Variants in CCDC158 observed in about 807,000 individuals in gnomAD.
The protein encoded by CCDC158 is coiled-coil domain containing 158, also known as coiled-coil domain-containing protein 158.
A neutral mutation model predicts 138.6 loss-of-function variants in CCDC158; 116 were observed. The observed-to-expected ratio is 0.84, with a 90% confidence interval of 0.72 to 0.98. The LOEUF (loss-of-function observed/expected upper bound fraction) is 0.98, where lower values mean the gene tolerates loss of function less well. CCDC158 is among the 50% of genes least tolerant of loss of function. The probability of loss-of-function intolerance (pLI) is 0.00; values close to 1 mark genes in which losing one functional copy is unlikely to be tolerated. For missense variants in CCDC158, 1,265 were observed against 1,306.1 expected, an observed-to-expected ratio of 0.97 and a Z score of 0.48; for synonymous variants, 436 against 442.4, an observed-to-expected ratio of 0.99 and a Z score of 0.18.
chr4:76,354,431 A>G (rs1312370032), intron 15 of CCDC158, among the ~76,000 whole-genome samples: 1 of 152,122 alleles, frequency 6.6e-6, no homozygotes, highest in Non-Finnish European at 1.5e-5. Flanking sequence ...TAAGTTAGCA[A>G]TTACTTTGGT....
At chr4:76,342,930 G>A (rs963626529) in intron 18 of CCDC158, among the ~76,000 whole-genome samples, 5 of 152,118 alleles carry the variant, frequency 3.3e-5, no homozygotes, top group Admixed American at 1.3e-4. Context: ...TTGGAGGATT[G>A]GCTAAGTCTA....
intron 24 of CCDC158, 105 bp from the exon 25 acceptor site, chr4:76,313,351 C>T (rs1435781503): frequency 6.8e-6 from 4 of 589,632 alleles, no homozygotes; most frequent in Non-Finnish European, 8.4e-6. Flanking sequence ...TAGACATGTT[C>T]TGAGCTCAAG....
intron 1 of CCDC158, among the ~76,000 whole-genome samples, chr4:76,414,942 G>A (rs1320978885): frequency 6.6e-6 from 1 of 152,174 alleles, no homozygotes; most frequent in Non-Finnish European, 1.5e-5. Flanking sequence ...AAATGTGGAC[G>A]CGACTTTGCA....
At chr4:76,326,769 T>C (rs1344344223) in intron 22 of CCDC158, among the ~76,000 whole-genome samples, 2 of 152,120 alleles carry the variant, frequency 1.3e-5, no homozygotes, top group African/African-American at 4.8e-5. Context: ...AATGCCAATC[T>C]AGAATTCTAT....
intron 18 of CCDC158, among the ~76,000 whole-genome samples, chr4:76,336,038 C>T (rs181317189): frequency 0.024 from 3,563 of 151,598 alleles, 135 homozygotes; most frequent in African/African-American, 0.081. Flanking sequence ...AAAAATTAGC[C>T]GGGCATGGTG....
At chr4:76,385,160 T>C (rs1283944392) in intron 4 of CCDC158, among the ~76,000 whole-genome samples, 1 of 152,188 alleles carries the variant, frequency 6.6e-6, no homozygotes, top group East Asian at 1.9e-4. Flanking sequence ...CCGTACATAG[T>C]TGATGCCATA....
chr4:76,324,334 T>C lies in CCDC158; in HGVS notation c.3170-925A>G, dbSNP rs530384836. Among the ~76,000 whole-genome samples the C allele has an allele frequency of 3.5e-3, 535 of 151,884 alleles. 2 individuals are homozygous for C. The highest frequency in any genetic ancestry group is 6.3e-3 in the Non-Finnish European group (425 of 67,948). ...TCCCAAGTAGCTGGGATTACAGGCA[T>C]GTGCCACCACGCCCGGCTAATTTTG... On this transcript the variant is annotated intron_variant, in intron 23 of 24. Transcript: ENST00000682701.
chr4:76,380,597 A>G (rs1164642428), intron 8 of CCDC158, among the ~76,000 whole-genome samples: 1 of 152,234 alleles, frequency 6.6e-6, no homozygotes, highest in Non-Finnish European at 1.5e-5. Flanking sequence ...ACTTCTATTT[A>G]AAAGGGAAGC....
At chr4:76,358,976 G>A (rs1723850627) in intron 13 of CCDC158, among the ~76,000 whole-genome samples, 1 of 152,174 alleles carries the variant, frequency 6.6e-6, no homozygotes, top group Non-Finnish European at 1.5e-5. Context: ...CTTAGTGTTG[G>A]AGGAGGGGCT....
In CCDC158 at chr4:76,396,344, A is replaced by T; in HGVS notation, c.213T>A (p.Pro71=). The stretch of plus-strand genomic sequence containing the variant: ...AAACACGTTCAAAGTGTTCCTTTCC[A>T]GGAGATGGGATGATTTTTCTAGGAG... ...LDSPRKIIPS[P]GKEHFERVLE... The change falls in exon 4 of 25, where the codon CCT becomes CCA. Residue 71 remains proline, a synonymous_variant. Transcript: ENST00000682701. 6.2e-7 allele frequency: 1 copy of T among 1,613,996 alleles called. No individual in the cohort carries two copies. Among genetic ancestry groups the T allele is most frequent in the Non-Finnish European group, 8.5e-7 (1 of 1,179,942 alleles).
Position 76,409,923 on chromosome 4 carries a change from G to T in CCDC158, c.-74+2167C>A, listed in dbSNP as rs575552291. Among the ~76,000 whole-genome samples the T allele has an allele frequency of 3.3e-5, 5 of 151,810 alleles. No homozygotes were observed. In the South Asian group the frequency reaches 1.0e-3, roughly 32 times the overall value. On this transcript the variant is annotated intron_variant, in intron 2 of 24. Transcript: ENST00000682701. ...TTGGAATGTTGCCAAAAAAAAAAAG[G>T]TCTAAGAAACCACAGACCACAAAGA...
Position 76,357,392 on chromosome 4 carries a change from C to T in CCDC158, c.2155G>A (p.Glu719Lys), listed in dbSNP as rs756621848. 3.7e-5 allele frequency: 58 copies of T among 1,578,478 alleles called. 2 individuals carry two copies. In the South Asian group the frequency reaches 6.8e-4, roughly 18 times the overall value. The change falls in exon 14 of 25, where the codon GAA becomes AAA. Residue 719 changes from glutamate to lysine, a missense_variant. Physicochemically the swap from Glu to Lys is moderately conservative, Grantham distance 56. Transcript: ENST00000682701. Reference sequence around the variant, plus strand: ...AGCATACCATGACCATCAGATCCTTCCATTGACTTTAATGTATTTCTTGTC... The same window carrying T: ...AGCATACCATGACCATCAGATCCTTTCATTGACTTTAATGTATTTCTTGTC... ...EQTRNTLKSM[E>K]GSDGHAMKVA...
intron 24 of CCDC158, among the ~76,000 whole-genome samples, chr4:76,318,873 C>T (rs925603355): frequency 2.0e-5 from 3 of 152,158 alleles, no homozygotes; most frequent in Middle Eastern, 3.2e-3. Context: ...CTCACACCTG[C>T]AATCCCAGCA....
chr4:76,409,777 G>A (rs1346046846), intron 2 of CCDC158, among the ~76,000 whole-genome samples: 1 of 152,136 alleles, frequency 6.6e-6, no homozygotes, highest in Non-Finnish European at 1.5e-5. Flanking sequence ...CTTGCAGTGA[G>A]CGGAGATCAC....
chr4:76,328,791 C>T, intron 22 of CCDC158, 109 bp downstream of exon 22: 1 of 816,862 alleles, frequency 1.2e-6, no homozygotes, highest in Non-Finnish European at 2.1e-6. Context: ...GAAATGAGGC[C>T]AGAGAGTTAA....
intron 4 of CCDC158, among the ~76,000 whole-genome samples, chr4:76,396,061 A>T (rs1299835819): frequency 2.6e-5 from 4 of 152,204 alleles, no homozygotes; most frequent in Non-Finnish European, 4.4e-5. Flanking sequence ...ATAATTATTT[A>T]AAAAAGAAAA....
At position 76,367,350 on chromosome 4, in the gene CCDC158, T is replaced by C. The variant is rs1724778062; in HGVS notation, c.1774A>G (p.Lys592Glu). ...GRTAGAMQVE[K>E]AQLEKEINDR... is the part of the protein sequence containing the mutation. ...TTAATTTCTTTCTCCAGTTGAGCTT[T>C]TTCTACTTGCATAGCTCCAGCAGTT... Residue 592 changes from lysine (K) to glutamate (E), a missense_variant, in exon 12 of 25, where the codon AAA becomes GAA. Coordinates refer to ENST00000682701, the MANE Select transcript of CCDC158 (RefSeq NM_001394954.1). 6.2e-7 allele frequency: 1 copy of C among 1,614,094 alleles called. No homozygotes were observed. Among genetic ancestry groups the C allele is most frequent in the Non-Finnish European group, 8.5e-7 (1 of 1,179,918 alleles).
chr4:76,332,675 A>G (rs80216102), intron 19 of CCDC158, among the ~76,000 whole-genome samples, 184 bp from the exon 20 acceptor site: 127 of 152,326 alleles, frequency 8.3e-4, no homozygotes, highest in African/African-American at 3.0e-3. Flanking sequence ...CTTTCCTCCC[A>G]TGAATTCTTA....
In CCDC158 at chr4:76,348,458, A is replaced by G. The variant is rs922146741; in HGVS notation, c.2664+2538T>C. On this transcript the variant is annotated intron_variant, in intron 18 of 24. Coordinates refer to ENST00000682701, the MANE Select transcript of CCDC158 (RefSeq NM_001394954.1). Reference sequence around the variant, plus strand: ...TCAAAAAAAAAAAAAAAAAAAAAAAAGGGCACTAATACCATTTGTAAGGGC... The same window carrying G: ...TCAAAAAAAAAAAAAAAAAAAAAAAGGGGCACTAATACCATTTGTAAGGGC... Among the ~76,000 whole-genome samples, 45 of 133,880 alleles carry G rather than the reference A, an allele frequency of 3.4e-4. 1 individual carries two copies. Among genetic ancestry groups the G allele is most frequent in the Middle Eastern group, 4.0e-3 (1 of 250 alleles). The allele number at this position is 133,880 out of a possible 152,430, so 87.8% of individuals were successfully genotyped here. A position where few individuals can be genotyped will look rare whatever the true frequency, so the allele number is the denominator to read the frequency against.
Sources: allele counts gnomAD v4.1 joint callset (sites outside exome capture counted in the v4.1 genomes callset), GRCh38; gene constraint gnomAD v4.1.1; transcripts MANE v1.5; gene names NCBI Gene and HGNC (gene_info 2026-07-23, HGNC 2026-07-21).